Variants in CC2D2B observed in about 807,000 individuals in gnomAD.
The protein encoded by CC2D2B is protein CC2D2B.
CC2D2B carries 128 observed loss-of-function variants against 161.2 expected under a neutral mutation model. That is an observed-to-expected ratio of 0.79 (90% CI 0.69 to 0.92). CC2D2B has a LOEUF of 0.92. Among genes scored for constraint, CC2D2B ranks in the 40% least tolerant of loss-of-function variants. CC2D2B has a pLI of 0.00. For missense variants in CC2D2B, 1,173 were observed against 1,375.1 expected, an observed-to-expected ratio of 0.85 and a Z score of 2.32; for synonymous variants, 391 against 449.8, an observed-to-expected ratio of 0.87 and a Z score of 1.65.
In CC2D2B at chr10:95,908,025, C is replaced by G. The variant is rs1165382450; in HGVS notation, c.-56C>G. 6.6e-6 allele frequency: 1 copy of G among 152,310 alleles called. No homozygotes were observed. The highest frequency in any genetic ancestry group is 1.5e-5 in the Non-Finnish European group (1 of 68,120). The allele number at this position is 152,310 out of a possible 1,614,324, so 9.4% of individuals were successfully genotyped here. A position where few individuals can be genotyped will look rare whatever the true frequency, so the allele number is the denominator to read the frequency against. On this transcript the variant is annotated 5_prime_UTR_variant, in exon 1 of 35. Coordinates refer to ENST00000646931, the MANE Select transcript of CC2D2B (RefSeq NM_001349008.3). ...TAGATGGTGCGCCCTGCCTTCCCTG[C>G]CCAGACGTAAGAAAAGTGCACTGTC...
chr10:95,972,228 A>C lies in CC2D2B; in HGVS notation c.1795+12A>C. The C allele has an allele frequency of 8.1e-7, 1 of 1,231,106 alleles. No individual in the cohort carries two copies. Among genetic ancestry groups the C allele is most frequent in the Non-Finnish European group, 1.0e-6 (1 of 987,110 alleles). The allele number at this position is 1,231,106 out of a possible 1,614,324, so 76.3% of individuals were successfully genotyped here. On this transcript the variant is annotated intron_variant, in intron 16 of 34. Transcript: ENST00000646931. The stretch of plus-strand genomic sequence containing the variant: ...AGAAGTAGGAAGCAGTGAGTTTATT[A>C]AAAATATTACATTCCCCCTATTTTC...
At chr10:96,013,699 T>C in intron 28 of CC2D2B, 89 bp from the exon 29 acceptor site, 1 of 688,156 alleles carries the variant, frequency 1.5e-6, no homozygotes, top group East Asian at 3.2e-5. Context: ...TAGGCTTAGA[T>C]TATATGCTAA....
rs1287560249 is a variant in CC2D2B at position 95,995,358 on chromosome 10, T to TAA, written c.2733_2734insAA (p.His912AsnfsTer37). 8.8e-6 allele frequency: 13 copies of TAA among 1,475,238 alleles called. 1 individual carries two copies. In the African/African-American group the frequency reaches 1.4e-4, roughly 16 times the overall value. The allele number at this position is 1,475,238 out of a possible 1,614,324, so 91.4% of individuals were successfully genotyped here. A position where few individuals can be genotyped will look rare whatever the true frequency, so the allele number is the denominator to read the frequency against. On this transcript the variant is annotated frameshift_variant, in exon 23 of 35. Transcript: ENST00000646931. LOFTEE classifies it high-confidence loss of function. ...AAATCAGTAGCCTCAGATGAGACCTTACATGAGGTAAGTATTTAACACTTC... is the reference window on the plus strand; with the variant it reads ...AAATCAGTAGCCTCAGATGAGACCTTAAACATGAGGTAAGTATTTAACACTTC...
chr10:96,016,151 C>T, intron 29 of CC2D2B, 50 bp from the exon 30 acceptor site: 2 of 1,269,874 alleles, frequency 1.6e-6, no homozygotes, highest in Non-Finnish European at 2.3e-6. Context: ...CGTTACTCAA[C>T]TTTCCCGCAC....
intron 9 of CC2D2B, among the ~76,000 whole-genome samples, chr10:95,944,353 G>A (rs573367404): frequency 6.6e-6 from 1 of 152,224 alleles, no homozygotes; most frequent in African/African-American, 2.4e-5. Context: ...ATATCTTCAT[G>A]TATTTTCCCA....
intron 24 of CC2D2B, among the ~76,000 whole-genome samples, chr10:96,001,712 A>G (rs545965840): frequency 1.3e-5 from 2 of 152,362 alleles, no homozygotes; most frequent in South Asian, 4.1e-4. Flanking sequence ...TAGCTTAGAT[A>G]CTATGGAACT....
intron 21 of CC2D2B, among the ~76,000 whole-genome samples, chr10:95,992,029 C>T (rs902947894): frequency 1.4e-4 from 21 of 152,154 alleles, no homozygotes; most frequent in South Asian, 1.0e-3. Context: ...AGGTTTTCAA[C>T]GGGTTTAGGA....
At chr10:96,023,332 C>T (rs2079551791) in intron 32 of CC2D2B, among the ~76,000 whole-genome samples, 1 of 152,196 alleles carries the variant, frequency 6.6e-6, no homozygotes, top group South Asian at 2.1e-4. Flanking sequence ...AGAGTGAACA[C>T]TATTACACAC....
chr10:95,940,108 A>C (rs1037813328), intron 9 of CC2D2B, among the ~76,000 whole-genome samples: 1 of 152,158 alleles, frequency 6.6e-6, no homozygotes, highest in African/African-American at 2.4e-5. Flanking sequence ...TGGAGGGCAA[A>C]GAGGGAGCTG....
intron 22 of CC2D2B, among the ~76,000 whole-genome samples, chr10:95,993,956 A>G (rs1455383988): frequency 4.0e-3 from 71 of 17,946 alleles, no homozygotes; most frequent in South Asian, 0.01. Context: ...GTATGTGTAT[A>G]TATATATATA....
chr10:95,980,660 AACTTC>A (rs2077481899), intron 17 of CC2D2B, among the ~76,000 whole-genome samples: 1 of 152,138 alleles, frequency 6.6e-6, no homozygotes, highest in Admixed American at 6.5e-5. Context: ...AGAATATGCA[AACTTC>A]ACCTGTTCGT....
intron 15 of CC2D2B, among the ~76,000 whole-genome samples, chr10:95,971,333 G>A (rs946358372): frequency 1.4e-5 from 2 of 148,146 alleles, no homozygotes; most frequent in Admixed American, 6.9e-5. Context: ...AGGTTGCAGT[G>A]AGCAGTGATT....
At chr10:95,926,492 A>G (rs2098538690) in intron 5 of CC2D2B, among the ~76,000 whole-genome samples, 1 of 151,748 alleles carries the variant, frequency 6.6e-6, no homozygotes, top group South Asian at 2.1e-4. Flanking sequence ...ATCTTACAAG[A>G]TAAAATCTTA....
intron 15 of CC2D2B, among the ~76,000 whole-genome samples, chr10:95,971,809 ACC>A (rs2077145406): frequency 6.6e-6 from 1 of 152,184 alleles, no homozygotes; most frequent in Non-Finnish European, 1.5e-5. Flanking sequence ...TGTTATATGT[ACC>A]TCATATATTT....
At chr10:95,943,049 T>C (rs970566043) in intron 9 of CC2D2B, among the ~76,000 whole-genome samples, 10 of 152,132 alleles carry the variant, frequency 6.6e-5, no homozygotes, top group Non-Finnish European at 1.2e-4. Context: ...GTGGTCCCCA[T>C]ACTTCTTAGT....
intron 3 of CC2D2B, among the ~76,000 whole-genome samples, chr10:95,922,986 C>T (rs1457558999): frequency 6.7e-6 from 1 of 149,106 alleles, no homozygotes; most frequent in Non-Finnish European, 1.5e-5. Flanking sequence ...GAGTTTTGCT[C>T]TTATTGCTCA....
At chr10:95,993,849 T>TAGAG (rs1262050460) in intron 22 of CC2D2B, among the ~76,000 whole-genome samples, 22 of 101,830 alleles carry the variant, frequency 2.2e-4, no homozygotes, top group Non-Finnish European at 2.8e-4. Context: ...TATATATATA[T>TAGAG]ATAGAGAGAG....
At chr10:95,989,065 G>A (rs527526041) in intron 20 of CC2D2B, among the ~76,000 whole-genome samples, 1 of 152,296 alleles carries the variant, frequency 6.6e-6, no homozygotes, top group African/African-American at 2.4e-5. Context: ...TTGCTGTAGA[G>A]CACCAGTGCA....
chr10:96,019,531 T>C (rs2079363348), intron 31 of CC2D2B, 171 bp from the exon 32 acceptor site: 31 of 794,222 alleles, frequency 3.9e-5, no homozygotes, highest in Non-Finnish European at 5.5e-5. Flanking sequence ...ACCGTTGAGG[T>C]AGTCTAATGA....
Sources: allele counts gnomAD v4.1 joint callset (sites outside exome capture counted in the v4.1 genomes callset), GRCh38; gene constraint gnomAD v4.1.1; transcripts MANE v1.5; gene names NCBI Gene and HGNC (gene_info 2026-07-23, HGNC 2026-07-21).